Variants in GALNT16 observed in about 807,000 individuals in gnomAD.
GALNT16 encodes the protein UDP-GalNAc:polypeptide N-acetylgalactosaminyltransferase-like protein 1.
Under a neutral mutation model 76.1 loss-of-function variants are expected in GALNT16, and 40 were observed. That is an observed-to-expected ratio of 0.53 (90% CI 0.41 to 0.68). GALNT16 has a LOEUF of 0.68. GALNT16 is among the 30% of genes least tolerant of loss of function. The probability of loss-of-function intolerance (pLI) is 0.00; values close to 1 mark genes in which losing one functional copy is unlikely to be tolerated. For synonymous variants in GALNT16, 276 were observed against 285.2 expected (o/e 0.97, Z 0.32); for missense variants, 621 against 731.9 (o/e 0.85, Z 1.75).
intron 1 of GALNT16, among the ~76,000 whole-genome samples, chr14:69,263,862 G>A (rs747633682): frequency 6.6e-6 from 1 of 152,196 alleles, no homozygotes; most frequent in Non-Finnish European, 1.5e-5. Flanking sequence ...CTTACGATGC[G>A]GCAAGGTTTG....
chr14:69,366,406 T>C, the GALNT16 span, among the ~76,000 whole-genome samples: 38 of 152,290 alleles, frequency 2.5e-4, no homozygotes, highest in Non-Finnish European at 4.1e-4. Context: ...TCTGCGTGCT[T>C]CCCCGACTCT....
chr14:69,367,034 G>T, the GALNT16 span, among the ~76,000 whole-genome samples: 1 of 152,112 alleles, frequency 6.6e-6, no homozygotes. Flanking sequence ...TGAGCCTTGA[G>T]GAATGAGATG....
chr14:69,261,749 C>T lies in GALNT16; in HGVS notation c.177+1282C>T, dbSNP rs2044276930. Among the ~76,000 whole-genome samples, 3 of 152,064 alleles carry T rather than the reference C, an allele frequency of 2.0e-5. No homozygotes were observed. The highest frequency in any genetic ancestry group is 2.0e-4 in the Admixed American group (3 of 15,282). On this transcript the variant is annotated intron_variant, in intron 1 of 14. Transcript: ENST00000448469. This position sits in a 1 kb window ranked among gnomAD's most constrained non-coding sequence, Gnocchi z 6.4. ...CATATTCCCATCCTGCCCCAGATTC[C>T]GAGTCCCCTGCAAAGGAAACATTAT...
chr14:69,269,824 G>GTA (rs1363395945), intron 1 of GALNT16, among the ~76,000 whole-genome samples: 1 of 151,730 alleles, frequency 6.6e-6, no homozygotes, highest in African/African-American at 2.4e-5. Context: ...GTGTGTGTGT[G>GTA]TATGATGTAT....
chr14:69,292,801 C>T (rs1047836755), intron 1 of GALNT16, among the ~76,000 whole-genome samples: 5 of 152,260 alleles, frequency 3.3e-5, no homozygotes, highest in Admixed American at 2.0e-4. Context: ...AATTTCCTGT[C>T]GTCCCTCCAG....
rs755039961 is a variant in GALNT16 at position 69,352,118 on chromosome 14, T to C, written c.1627T>C (p.Cys543Arg). ...TKPAQLVTSK[C>R]QADAQAQQWQ... ...GCCTGCCCAGCTGGTGACCAGCAAG[T>C]GTCAGGCTGACGCCCAGGCCCAGCA... The change falls in exon 15 of 15, where the codon TGT (cysteine) becomes CGT (arginine). Residue 543 changes from cysteine (C) to arginine (R), a missense_variant. Cys to Arg is a radical substitution (Grantham distance 180). Transcript: ENST00000448469. 6.2e-7 allele frequency: 1 copy of C among 1,613,958 alleles called. No homozygotes were observed. The highest frequency in any genetic ancestry group is 8.5e-7 in the Non-Finnish European group (1 of 1,179,826).
At chr14:69,262,889 T>C (rs2044294998) in intron 1 of GALNT16, among the ~76,000 whole-genome samples, 1 of 151,870 alleles carries the variant, frequency 6.6e-6, no homozygotes, top group South Asian at 2.1e-4. Flanking sequence ...TTTTCTTTTT[T>C]TTTTTTTTGA....
At chr14:69,277,603 T>C (rs1177197903) in intron 1 of GALNT16, among the ~76,000 whole-genome samples, 1 of 152,252 alleles carries the variant, frequency 6.6e-6, no homozygotes, top group Non-Finnish European at 1.5e-5. Context: ...TGTGCCACAT[T>C]TTCTTAATCC....
chr14:69,327,839 G>GACAGAAGA (rs958715696), intron 5 of GALNT16, among the ~76,000 whole-genome samples: 30 of 152,354 alleles, frequency 2.0e-4, no homozygotes, highest in African/African-American at 7.2e-4. Flanking sequence ...GCTATCGGGG[G>GACAGAAGA]ACAGGCACAG....
At chr14:69,380,383 G>T in the GALNT16 span, 1 of 454,282 alleles carries the variant, frequency 2.2e-6, no homozygotes. Flanking sequence ...GTTTCCGATT[G>T]AACAAGATCC....
downstream of GALNT16, chr14:69,357,193 G>A (rs1356330404): frequency 6.6e-6 from 1 of 152,272 alleles, no homozygotes; most frequent in East Asian, 1.9e-4. Context: ...AGCTATGGGA[G>A]CAAGGAGAGG....
chr14:69,262,963 T>G (rs1393857096), intron 1 of GALNT16, among the ~76,000 whole-genome samples: 3 of 151,082 alleles, frequency 2.0e-5, no homozygotes, highest in Non-Finnish European at 4.4e-5. Flanking sequence ...CACTGTAACC[T>G]CCACCTCCCG....
intron 1 of GALNT16, among the ~76,000 whole-genome samples, chr14:69,266,651 G>C (rs1472434170): frequency 1.3e-5 from 2 of 152,146 alleles, no homozygotes; most frequent in African/African-American, 2.4e-5. Context: ...CAGTCCAAAG[G>C]CTGGCCAGGG....
chr14:69,346,417 A>G (rs552836842), intron 12 of GALNT16, among the ~76,000 whole-genome samples: 1 of 152,144 alleles, frequency 6.6e-6, no homozygotes, highest in Non-Finnish European at 1.5e-5. Flanking sequence ...GGGCTTTGAG[A>G]CACAATAGCA....
At chr14:69,360,416 C>T (rs1347373351), downstream of GALNT16, among the ~76,000 whole-genome samples, 2 of 151,212 alleles carry the variant, frequency 1.3e-5, no homozygotes, top group Non-Finnish European at 2.9e-5. Context: ...TCACTTGAGG[C>T]CAGGAGTTCG....
intron 1 of GALNT16, among the ~76,000 whole-genome samples, chr14:69,311,365 C>G (rs2045017835): frequency 6.6e-6 from 1 of 152,192 alleles, no homozygotes; most frequent in Admixed American, 6.5e-5. Context: ...GCCTTTCTGA[C>G]TTAATCACTT....
chr14:69,336,119 C>T (rs557307663), intron 9 of GALNT16, among the ~76,000 whole-genome samples: 1 of 152,050 alleles, frequency 6.6e-6, no homozygotes, highest in Admixed American at 6.5e-5. Flanking sequence ...GCACGGCCTC[C>T]TTTTTTTTCA....
intron 1 of GALNT16, among the ~76,000 whole-genome samples, chr14:69,318,763 G>A (rs1594846952): frequency 1.3e-5 from 2 of 152,334 alleles, no homozygotes; most frequent in African/African-American, 4.8e-5. Context: ...TCCCTCTGCA[G>A]TTTTTCTTTA....
downstream of GALNT16, chr14:69,358,669 CT>C (rs2045707021): frequency 6.6e-6 from 1 of 152,450 alleles, no homozygotes; most frequent in African/African-American, 2.4e-5. Context: ...GGGGTTCCCC[CT>C]CCTAGAACAT....
Sources: allele counts gnomAD v4.1 joint callset (sites outside exome capture counted in the v4.1 genomes callset), GRCh38; gene constraint gnomAD v4.1.1; non-coding constraint Gnocchi (gnomAD v3.1); transcripts MANE v1.5; gene names NCBI Gene and HGNC (gene_info 2026-07-23, HGNC 2026-07-21).